TSPAN15: variants seen among roughly 807,000 people sequenced by gnomAD.
The protein encoded by TSPAN15 is tetraspanin 15.
In TSPAN15, 20 loss-of-function variants were observed where a neutral mutation model predicts 34.5. The ratio of observed to expected loss-of-function variants is 0.58; its 90% confidence interval spans 0.41 to 0.84. The LOEUF is 0.84. Ranked by LOEUF, TSPAN15 falls within the 40% of genes least tolerant of loss-of-function variation. The pLI, the probability that TSPAN15 is intolerant of heterozygous loss-of-function variation, is 0.00. For synonymous variants in TSPAN15, 155 were observed against 153.9 expected (o/e 1.01, Z -0.05); for missense variants, 313 against 386.1 (o/e 0.81, Z 1.59).
intron 1 of TSPAN15, among the ~76,000 whole-genome samples, chr10:69,471,803 G>A (rs2133088993): frequency 6.6e-6 from 1 of 152,236 alleles, no homozygotes; most frequent in Non-Finnish European, 1.5e-5. Context: ...GTGTTGCCCA[G>A]GTTGGTCTCA....
intron 3 of TSPAN15, among the ~76,000 whole-genome samples, chr10:69,490,711 C>A (rs1228792829): frequency 6.6e-6 from 1 of 152,182 alleles, no homozygotes; most frequent in Non-Finnish European, 1.5e-5. Context: ...GGTGACAGAG[C>A]AAGATTCTGT....
the TSPAN15 span, among the ~76,000 whole-genome samples, chr10:69,526,713 CT>C: frequency 1.8e-4 from 24 of 134,526 alleles, 1 homozygote; most frequent in African/African-American, 6.3e-4. Flanking sequence ...TTGTTGGAGA[CT>C]GGGAGGTTGA....
the TSPAN15 span, among the ~76,000 whole-genome samples, chr10:69,534,150 A>G: frequency 9.9e-5 from 15 of 152,270 alleles, no homozygotes; most frequent in African/African-American, 2.4e-5. Flanking sequence ...TCATGCCAGA[A>G]GAAAATGGAG....
intron 1 of TSPAN15, among the ~76,000 whole-genome samples, chr10:69,458,417 A>T (rs1317546191): frequency 6.6e-6 from 1 of 152,244 alleles, no homozygotes; most frequent in Non-Finnish European, 1.5e-5. Flanking sequence ...GTTGGTAAAC[A>T]TCCATCTGGA....
chr10:69,483,946 G>A (rs1050494023), intron 2 of TSPAN15, 70 bp downstream of exon 2: 4 of 1,516,152 alleles, frequency 2.6e-6, no homozygotes, highest in East Asian at 4.5e-5. Flanking sequence ...CTGTGCCCTT[G>A]GGCAGCTCAG....
In TSPAN15 at chr10:69,482,213, C is replaced by T. The variant is rs1841748563; in HGVS notation, c.97-1478C>T. Among the ~76,000 whole-genome samples, 4 of 152,300 alleles carry T rather than the reference C, an allele frequency of 2.6e-5. No individual in the cohort carries two copies. In the South Asian group the frequency reaches 8.3e-4, roughly 32 times the overall value. ...AATAAAGTGGCCCTGAAGGGCCTCC[C>T]TTTGCAGGCGGCAACTGAGCAAAGA... is the stretch of plus-strand genomic sequence containing the variant. On this transcript the variant is annotated intron_variant, in intron 1 of 7. Transcript: ENST00000373290.
chr10:69,538,664 G>A, the TSPAN15 span, among the ~76,000 whole-genome samples: 1 of 152,220 alleles, frequency 6.6e-6, no homozygotes, highest in Admixed American at 6.5e-5. Flanking sequence ...CCATCACAAT[G>A]ACTGACTAGA....
At chr10:69,455,394 A>T (rs1180213166) in intron 1 of TSPAN15, among the ~76,000 whole-genome samples, 5 of 152,188 alleles carry the variant, frequency 3.3e-5, no homozygotes, top group Non-Finnish European at 7.3e-5. Flanking sequence ...CACGTGAATT[A>T]TGGAGATCTG....
At chr10:69,465,438 C>T (rs1416589904) in intron 1 of TSPAN15, among the ~76,000 whole-genome samples, 1 of 152,172 alleles carries the variant, frequency 6.6e-6, no homozygotes, top group African/African-American at 2.4e-5. Context: ...TTTTTTCAGC[C>T]AGGAATTCCC....
chr10:69,508,434 C>A (rs1842379125), downstream of TSPAN15, among the ~76,000 whole-genome samples: 1 of 94,232 alleles, frequency 1.1e-5, no homozygotes, highest in African/African-American at 4.1e-5. Flanking sequence ...GAGTGAGACT[C>A]CATCTCAAAA....
At chr10:69,474,954 T>A (rs1841585004) in intron 1 of TSPAN15, among the ~76,000 whole-genome samples, 1 of 152,110 alleles carries the variant, frequency 6.6e-6, no homozygotes, top group South Asian at 2.1e-4. Context: ...TGGGGGGGCC[T>A]GGCCGGAGGT....
chr10:69,516,694 C>T, the TSPAN15 span, among the ~76,000 whole-genome samples: 1 of 152,158 alleles, frequency 6.6e-6, no homozygotes, highest in Non-Finnish European at 1.5e-5. Context: ...CCAGCACTTG[C>T]CCTTGCACTG....
chr10:69,509,390 T>C (rs2133176371), downstream of TSPAN15, among the ~76,000 whole-genome samples: 2 of 152,248 alleles, frequency 1.3e-5, no homozygotes, highest in Admixed American at 1.3e-4. Context: ...TTTTGAGAAG[T>C]GTGTGTTCAT....
At chr10:69,489,275 C>T (rs1199187086) in intron 3 of TSPAN15, among the ~76,000 whole-genome samples, 3 of 152,170 alleles carry the variant, frequency 2.0e-5, no homozygotes, top group East Asian at 1.9e-4. Flanking sequence ...TTATGGTTGT[C>T]TTCCCTTGTT....
At chr10:69,456,616 A>G (rs1303868895) in intron 1 of TSPAN15, among the ~76,000 whole-genome samples, 7 of 152,184 alleles carry the variant, frequency 4.6e-5, no homozygotes. Flanking sequence ...CAAAACAATG[A>G]TACTAAATCC....
chr10:69,468,424 T>C (rs10998807), intron 1 of TSPAN15, among the ~76,000 whole-genome samples: 60,433 of 151,510 alleles, frequency 0.4, 12,508 homozygotes, highest in Non-Finnish European at 0.45. Flanking sequence ...CCGAGAGAGC[T>C]CCCTTCTCTC....
the TSPAN15 span, among the ~76,000 whole-genome samples, chr10:69,516,051 G>C: frequency 3.9e-5 from 6 of 152,344 alleles, no homozygotes; most frequent in Admixed American, 3.3e-4. Flanking sequence ...TCGGATAGAT[G>C]AGACTTTCCC....
chr10:69,509,188 G>A (rs1316273541), downstream of TSPAN15, among the ~76,000 whole-genome samples: 12 of 152,054 alleles, frequency 7.9e-5, no homozygotes, highest in Admixed American at 4.6e-4. Context: ...CCTGGAACCC[G>A]GACCCCTTGT....
intron 1 of TSPAN15, among the ~76,000 whole-genome samples, chr10:69,470,363 G>C (rs933635651): frequency 1.3e-5 from 2 of 152,196 alleles, no homozygotes; most frequent in African/African-American, 2.4e-5. Flanking sequence ...CACATAGGCT[G>C]ATGTGAAACA....
Sources: allele counts gnomAD v4.1 joint callset (sites outside exome capture counted in the v4.1 genomes callset), GRCh38; gene constraint gnomAD v4.1.1; transcripts MANE v1.5; gene names NCBI Gene and HGNC (gene_info 2026-07-23, HGNC 2026-07-21).